Variants in MNS1 observed in about 807,000 individuals in gnomAD.
The protein encoded by MNS1 is meiosis specific nuclear structural 1, also known as meiosis-specific nuclear structural protein 1.
Under a neutral mutation model 72.0 loss-of-function variants are expected in MNS1, and 63 were observed. That is an observed-to-expected ratio of 0.87 (90% CI 0.71 to 1.08). The LOEUF is 1.08. Ranked by LOEUF, MNS1 falls within the 50% of genes least tolerant of loss-of-function variation. The probability of loss-of-function intolerance (pLI) is 0.00; values close to 1 mark genes in which losing one functional copy is unlikely to be tolerated. For synonymous variants in MNS1, 188 were observed against 172.1 expected (o/e 1.09, Z -0.72); for missense variants, 604 against 562.4 (o/e 1.07, Z -0.75).
At chr15:56,455,550 C>A (rs1227886841) in intron 3 of MNS1, among the ~76,000 whole-genome samples, 1 of 152,072 alleles carries the variant, frequency 6.6e-6, no homozygotes, top group South Asian at 2.1e-4. Context: ...TAACAACTAT[C>A]GAAGTAAATT....
At position 56,429,159 on chromosome 15, in the gene MNS1, A is replaced by T; in HGVS notation, c.1430T>A (p.Leu477His). 2 of 1,602,482 alleles carry T rather than the reference A, an allele frequency of 1.2e-6. No homozygotes were observed. The highest frequency in any genetic ancestry group is 8.5e-7 in the Non-Finnish European group (1 of 1,175,558). ...ATATACTTTCCTGAACTCTTCACCA[A>T]GCAGATCAATATCATCCTCTTTTTT... Reference protein sequence around the residue: ...VFKKEDDIDLLGEEFRKVYQQ... With the variant: ...VFKKEDDIDLHGEEFRKVYQQ... The change falls in exon 10 of 10, where the codon CTT (leucine) becomes CAT (histidine). Residue 477 changes from leucine (L) to histidine (H), a missense_variant. Leu to His is a moderately conservative substitution (Grantham distance 99). Coordinates refer to ENST00000260453, the MANE Select transcript of MNS1 (RefSeq NM_018365.4).
Position 56,436,973 on chromosome 15 carries a change from C to T in MNS1, c.1012-2578G>A, listed in dbSNP as rs1389839272. Among the ~76,000 whole-genome samples the T allele has an allele frequency of 2.6e-5, 4 of 152,014 alleles. 1 individual carries two copies. On this transcript the variant is annotated intron_variant, in intron 7 of 9. Coordinates refer to ENST00000260453, the MANE Select transcript of MNS1 (RefSeq NM_018365.4). The stretch of plus-strand genomic sequence containing the variant: ...GAGGCAATAATTAATAGCCTACCAA[C>T]CAAAAAAAGTCCAGGACCAGATGGA...
rs767836618 is a variant in MNS1 at position 56,431,486 on chromosome 15, C to G, written c.1282G>C (p.Glu428Gln). 1.2e-6 allele frequency: 2 copies of G among 1,613,682 alleles called. No homozygotes were observed. Among genetic ancestry groups the G allele is most frequent in the African/African-American group, 1.3e-5 (1 of 75,034 alleles). Reference sequence around the variant, plus strand: ...CGCCTTTGCTGCAACTGCCACTCTTCTAGTTCACGTTGCTGGAAATGCAGA... The same window carrying G: ...CGCCTTTGCTGCAACTGCCACTCTTGTAGTTCACGTTGCTGGAAATGCAGA... ...QFLADKQRELEEWQLQQRRQG... is the reference protein window; with the variant it reads ...QFLADKQRELQEWQLQQRRQG... The change falls in exon 9 of 10, where the codon GAA becomes CAA. Residue 428 changes from glutamate to glutamine, a missense_variant. By Grantham distance (29) the Glu-to-Gln change is conservative (BLOSUM62 2). Coordinates refer to ENST00000260453, the MANE Select transcript of MNS1 (RefSeq NM_018365.4).
At chr15:56,449,025 G>C (rs1487267224) in intron 3 of MNS1, among the ~76,000 whole-genome samples, 1 of 152,112 alleles carries the variant, frequency 6.6e-6, no homozygotes, top group Non-Finnish European at 1.5e-5. Flanking sequence ...AAAGTGCTGG[G>C]ATTAGAGGCA....
intron 7 of MNS1, among the ~76,000 whole-genome samples, chr15:56,439,661 C>A (rs1277009447): frequency 6.6e-6 from 1 of 151,566 alleles, no homozygotes; most frequent in Non-Finnish European, 1.5e-5. Flanking sequence ...TGAACTAAAT[C>A]CAATGGCAAA....
At chr15:56,447,908 T>C (rs1330745664) in intron 3 of MNS1, among the ~76,000 whole-genome samples, 1 of 152,202 alleles carries the variant, frequency 6.6e-6, no homozygotes, top group East Asian at 1.9e-4. Context: ...ATAGTGCAGG[T>C]ACCATTTTTC....
At chr15:56,438,281 G>A (rs2050762215) in intron 7 of MNS1, among the ~76,000 whole-genome samples, 1 of 151,788 alleles carries the variant, frequency 6.6e-6, no homozygotes, top group African/African-American at 2.4e-5. Context: ...TAGACCAATG[G>A]AACAGAACAG....
intron 7 of MNS1, among the ~76,000 whole-genome samples, chr15:56,436,602 A>C (rs1407630933): frequency 6.6e-6 from 1 of 152,190 alleles, no homozygotes; most frequent in African/African-American, 2.4e-5. Context: ...GAAATAACTA[A>C]GATCAGAGCA....
chr15:56,453,166 TCA>T lies in MNS1; in HGVS notation c.353+3226_353+3227del, dbSNP rs547624958. On this transcript the variant is annotated intron_variant, in intron 3 of 9. Transcript: ENST00000260453. Reference sequence around the variant, plus strand: ...ACTTTAACTTCATTTACTTCCTATCTCATTTTGTCATATTTTTAACTCTTTAC... The same window carrying T: ...ACTTTAACTTCATTTACTTCCTATCTTTTTGTCATATTTTTAACTCTTTAC... 7.2e-5 allele frequency among the ~76,000 whole-genome samples: 11 copies of T among 152,316 alleles called. No homozygotes were observed. The South Asian group carries it at 2.1e-3, about 29-fold the overall frequency.
chr15:56,443,767 CT>C lies in MNS1; in HGVS notation c.773del (p.Lys258ArgfsTer14). On this transcript the variant is annotated frameshift_variant, in exon 6 of 10. Transcript: ENST00000260453. LOFTEE classifies it high-confidence loss of function. ...FQKEQALWRK[K>X]KREEMEEENR... ...TTTCTTCTTCCATCTCCTCACGTTT[CT>C]TTTTTCTCCAGAGAGCCTGCTCTTT... The C allele has an allele frequency of 1.2e-6, 2 of 1,613,012 alleles. No homozygotes were observed. The highest frequency in any genetic ancestry group is 1.7e-6 in the Non-Finnish European group (2 of 1,179,588).
At chr15:56,446,302 T>G (rs950541968) in intron 4 of MNS1, among the ~76,000 whole-genome samples, 1 of 151,976 alleles carries the variant, frequency 6.6e-6, no homozygotes, top group Non-Finnish European at 1.5e-5. Flanking sequence ...CTATTATATA[T>G]TCATACAGCA....
chr15:56,443,991 C>G, intron 5 of MNS1, 137 bp from the exon 6 acceptor site: 1 of 691,242 alleles, frequency 1.4e-6, no homozygotes, highest in Non-Finnish European at 2.3e-6. Flanking sequence ...TGAATGCTTA[C>G]TGTGTGCTAA....
intron 7 of MNS1, among the ~76,000 whole-genome samples, chr15:56,439,876 T>C (rs1183755362): frequency 6.6e-6 from 1 of 150,406 alleles, no homozygotes; most frequent in Non-Finnish European, 1.5e-5. Flanking sequence ...GCATGATCCA[T>C]AAAAAGAAAA....
chr15:56,436,001 T>G (rs1171815718), intron 7 of MNS1, among the ~76,000 whole-genome samples: 1 of 151,982 alleles, frequency 6.6e-6, no homozygotes, highest in Non-Finnish European at 1.5e-5. Context: ...CAAAAATCAA[T>G]GTAATATACT....
At chr15:56,464,521 G>C (rs1387103791) in intron 1 of MNS1, among the ~76,000 whole-genome samples, 1 of 151,738 alleles carries the variant, frequency 6.6e-6, no homozygotes, top group African/African-American at 2.4e-5. Context: ...AGGATTAATC[G>C]CACCCTACAG....
chr15:56,429,725 G>A (rs1339395149), intron 9 of MNS1: 2 of 152,054 alleles, frequency 1.3e-5, no homozygotes, highest in East Asian at 1.9e-4. Flanking sequence ...ACTGCAAAAG[G>A]CTCTTTAAAA....
At chr15:56,430,484 G>A (rs1307747208) in intron 9 of MNS1, among the ~76,000 whole-genome samples, 1 of 152,156 alleles carries the variant, frequency 6.6e-6, no homozygotes, top group Non-Finnish European at 1.5e-5. Context: ...GGGATTATAG[G>A]CATGAGTTGC....
intron 7 of MNS1, among the ~76,000 whole-genome samples, chr15:56,437,268 T>C (rs890824039): frequency 1.3e-5 from 2 of 152,144 alleles, no homozygotes; most frequent in Admixed American, 6.5e-5. Flanking sequence ...TTATCCACCA[T>C]GATCAAGTGG....
At chr15:56,450,597 T>A (rs1308600522) in intron 3 of MNS1, among the ~76,000 whole-genome samples, 1 of 152,210 alleles carries the variant, frequency 6.6e-6, no homozygotes, top group Non-Finnish European at 1.5e-5. Flanking sequence ...ATTTTTTTTT[T>A]ATAACTGAAG....
Sources: gnomAD v4.1 joint callset for allele counts (sites outside exome capture counted in the v4.1 genomes callset) on GRCh38, gnomAD v4.1.1 for gene constraint, MANE v1.5 for transcripts, NCBI Gene and HGNC (gene_info 2026-07-23, HGNC 2026-07-21) for gene names.